The following TASP1 variants were observed in gnomAD, a reference collection of about 807,000 sequenced individuals.
The protein encoded by TASP1 is taspase 1.
In TASP1, 16 loss-of-function variants were observed where a neutral mutation model predicts 56.6. That is an observed-to-expected ratio of 0.28 (90% CI 0.19 to 0.43). TASP1 has a LOEUF of 0.43. Among genes scored for constraint, TASP1 ranks in the 20% least tolerant of loss-of-function variants. TASP1 has a pLI of 1.00. For missense variants in TASP1, 393 were observed against 511.6 expected (o/e 0.77, Z 2.24); for synonymous variants, 179 against 184.2 (o/e 0.97, Z 0.23).
intron 8 of TASP1, among the ~76,000 whole-genome samples, chr20:13,556,001 T>C (rs1452332786): frequency 6.6e-6 from 1 of 152,152 alleles, no homozygotes; most frequent in Non-Finnish European, 1.5e-5. Context: ...TGGCATCAAG[T>C]AATAGGTTTT....
chr20:13,172,619 A>G, the TASP1 span, among the ~76,000 whole-genome samples: 1 of 152,190 alleles, frequency 6.6e-6, no homozygotes, highest in Non-Finnish European at 1.5e-5. Flanking sequence ...ACCAGATACT[A>G]GAAGACAACA....
intron 4 of TASP1, among the ~76,000 whole-genome samples, chr20:13,616,430 C>T (rs961155872): frequency 1.3e-5 from 2 of 151,982 alleles, no homozygotes; most frequent in Non-Finnish European, 2.9e-5. Flanking sequence ...TAGATTCAGC[C>T]AGGATGAATA....
chr20:13,468,044 A>G (rs1406691745), intron 11 of TASP1, among the ~76,000 whole-genome samples: 1 of 151,912 alleles, frequency 6.6e-6, no homozygotes, highest in African/African-American at 2.4e-5. Flanking sequence ...AACAAAAACA[A>G]AAACAAAAAA....
chr20:13,433,229 T>C (rs1290259537), intron 12 of TASP1, among the ~76,000 whole-genome samples: 5 of 152,148 alleles, frequency 3.3e-5, no homozygotes, highest in Non-Finnish European at 7.3e-5. Context: ...ATGTGGTGTT[T>C]GGTTTTCTGT....
intron 10 of TASP1, among the ~76,000 whole-genome samples, chr20:13,511,349 A>G (rs369311901): frequency 5.9e-5 from 9 of 152,238 alleles, no homozygotes; most frequent in East Asian, 1.9e-4. Flanking sequence ...GATGTCATCA[A>G]TGGAGCCCGT....
intron 13 of TASP1, among the ~76,000 whole-genome samples, chr20:13,392,285 G>T (rs2041318002): frequency 6.6e-6 from 1 of 152,082 alleles, no homozygotes; most frequent in Non-Finnish European, 1.5e-5. Context: ...CTTGCTACAT[G>T]CCCTGCTCAT....
chr20:13,537,205 G>A (rs1468631874), intron 8 of TASP1, among the ~76,000 whole-genome samples: 1 of 152,082 alleles, frequency 6.6e-6, no homozygotes, highest in Non-Finnish European at 1.5e-5. Flanking sequence ...AAAAACTGAT[G>A]TCAGTATAAC....
chr20:13,203,326 C>T, the TASP1 span, among the ~76,000 whole-genome samples: 1 of 152,306 alleles, frequency 6.6e-6, no homozygotes, highest in African/African-American at 2.4e-5. Context: ...AATGCCACTA[C>T]TTGAACTCTC....
chr20:13,408,377 A>G (rs1317872393), intron 13 of TASP1, among the ~76,000 whole-genome samples: 1 of 152,146 alleles, frequency 6.6e-6, no homozygotes, highest in African/African-American at 2.4e-5. Flanking sequence ...TCCACGGGCA[A>G]TAATACTGCT....
At chr20:13,116,831 A>C in the TASP1 span, among the ~76,000 whole-genome samples, 2 of 152,222 alleles carry the variant, frequency 1.3e-5, no homozygotes, top group African/African-American at 4.8e-5. Flanking sequence ...CGACTGAATC[A>C]GAAACTCTGG....
At chr20:13,236,542 G>T in the TASP1 span, among the ~76,000 whole-genome samples, 17 of 152,114 alleles carry the variant, frequency 1.1e-4, no homozygotes, top group East Asian at 3.3e-3. Context: ...TCCCCCAAAG[G>T]CTTAATTTAT....
chr20:13,193,518 A>G, the TASP1 span, among the ~76,000 whole-genome samples: 19 of 152,372 alleles, frequency 1.2e-4, no homozygotes, highest in Middle Eastern at 3.4e-3. Flanking sequence ...AAATAGCTCT[A>G]GATATTCAAA....
chr20:13,545,050 G>A lies in TASP1; in HGVS notation c.676-10909C>T, dbSNP rs538805793. Among the ~76,000 whole-genome samples, 38 of 152,038 alleles carry A rather than the reference G, an allele frequency of 2.5e-4. No individual in the cohort carries two copies. In the East Asian group the frequency reaches 4.4e-3, roughly 18 times the overall value. ...TAACATGAGATTTTTTAAGTACAGC[G>A]TATCTATGCATATCACCAAATGGCC... On this transcript the variant is annotated intron_variant, in intron 8 of 13. Transcript: ENST00000337743.
intron 8 of TASP1, among the ~76,000 whole-genome samples, chr20:13,541,074 GTC>G (rs1243008818): frequency 8.6e-5 from 13 of 150,536 alleles, no homozygotes; most frequent in African/African-American, 3.1e-4. Context: ...ATGGCTCAAA[GTC>G]TAATCTGTGG....
intron 11 of TASP1, among the ~76,000 whole-genome samples, chr20:13,441,337 A>T (rs761398747): frequency 3.5e-4 from 54 of 152,342 alleles, no homozygotes; most frequent in African/African-American, 8.4e-4. Context: ...GCATACATCT[A>T]GTTGAGCAGC....
chr20:13,364,488 T>G, the TASP1 span, among the ~76,000 whole-genome samples: 1 of 152,118 alleles, frequency 6.6e-6, no homozygotes, highest in Non-Finnish European at 1.5e-5. Context: ...AGAGGCTGAT[T>G]AGGTCTTGTC....
intron 13 of TASP1, among the ~76,000 whole-genome samples, chr20:13,403,189 GCTTATTAACTTATTAACATTAA>G (rs529055518): frequency 0.02 from 3,077 of 152,048 alleles, 95 homozygotes; most frequent in African/African-American, 0.07. Flanking sequence ...TTACCAGCTG[GCTTATTAACTTATTAACATTAA>G]CTTATTAACT....
chr20:13,248,072 A>T, the TASP1 span, among the ~76,000 whole-genome samples: 2 of 152,176 alleles, frequency 1.3e-5, no homozygotes, highest in African/African-American at 2.4e-5. Flanking sequence ...TATGTGGGTG[A>T]TGGCAGCGTC....
At chr20:13,119,775 A>G in the TASP1 span, among the ~76,000 whole-genome samples, 1 of 152,232 alleles carries the variant, frequency 6.6e-6, no homozygotes, top group African/African-American at 2.4e-5. Context: ...AAACAGCAAG[A>G]TGCAAAACCT....
Sources: gnomAD v4.1 joint callset for allele counts (sites outside exome capture counted in the v4.1 genomes callset) on GRCh38, gnomAD v4.1.1 for gene constraint, MANE v1.5 for transcripts, NCBI Gene and HGNC (gene_info 2026-07-23, HGNC 2026-07-21) for gene names.